The following ACTA2 variants were observed in gnomAD, a reference collection of about 807,000 sequenced individuals.
The protein encoded by ACTA2 is actin, aortic smooth muscle.
In ACTA2, 12 loss-of-function variants were observed where a neutral mutation model predicts 39.5. That is an observed-to-expected ratio of 0.30 (90% CI 0.19 to 0.49). The LOEUF (loss-of-function observed/expected upper bound fraction) is 0.49, where lower values mean the gene tolerates loss of function less well. Among genes scored for constraint, ACTA2 ranks in the 20% least tolerant of loss-of-function variants. The pLI, the probability that ACTA2 is intolerant of heterozygous loss-of-function variation, is 0.99. For synonymous variants in ACTA2, 158 were observed against 180.6 expected (o/e 0.88, Z 1.00); for missense variants, 236 against 498.8 (o/e 0.47, Z 5.02).
intron 1 of ACTA2, among the ~76,000 whole-genome samples, chr10:88,981,638 A>G (rs1846713892): frequency 6.6e-6 from 1 of 152,190 alleles, no homozygotes; most frequent in Admixed American, 6.5e-5. Context: ...TGGGGTGGGC[A>G]GAGTGGGAGA....
chr10:88,954,828 C>A, upstream of ACTA2, among the ~76,000 whole-genome samples: 1 of 151,928 alleles, frequency 6.6e-6, no homozygotes, highest in African/African-American at 2.4e-5. Context: ...ATTAAATGAT[C>A]TTATTGCCTG....
At chr10:88,967,995 A>G (rs1390029089) in intron 1 of ACTA2, among the ~76,000 whole-genome samples, 1 of 152,208 alleles carries the variant, frequency 6.6e-6, no homozygotes, top group Non-Finnish European at 1.5e-5. Context: ...GTAACCAGAT[A>G]AAAGTCCTTT....
intron 5 of ACTA2, 38 bp from the exon 6 acceptor site, chr10:88,941,428 C>T (rs754939086): frequency 6.2e-7 from 1 of 1,613,426 alleles, no homozygotes; most frequent in Non-Finnish European, 8.5e-7. Context: ...ACCATGGCAG[C>T]TGGCATGTGG....
chr10:88,939,130 G>C (rs904190407), intron 7 of ACTA2, among the ~76,000 whole-genome samples: 1 of 152,164 alleles, frequency 6.6e-6, no homozygotes, highest in Non-Finnish European at 1.5e-5. Context: ...CCAAGACAAT[G>C]TGAATGTAGG....
intron 1 of ACTA2, among the ~76,000 whole-genome samples, chr10:88,958,986 T>C: frequency 6.6e-6 from 1 of 152,136 alleles, no homozygotes; most frequent in Non-Finnish European, 1.5e-5. Context: ...GACTCTTCCT[T>C]TCAGAAGCCT....
At chr10:88,943,972 A>G (rs1288505074) in intron 3 of ACTA2, 65 bp from the exon 4 acceptor site, 1 of 1,449,576 alleles carries the variant, frequency 6.9e-7, no homozygotes, top group African/African-American at 1.4e-5. Flanking sequence ...GCATTTCCCA[A>G]AAAGGGACCA....
rs976580234 is a variant in ACTA2, at chr10:88,984,784, G to A, written c.-24+6155C>T. On this transcript the variant is annotated intron_variant, in intron 1 of 4. Coordinates refer to the ACTA2 transcript ENST00000415557. ...AGCTAGAGTGAGAGAAAGAGAGAGA[G>A]ACATCTTCTCACCTTCAGACCTGAT... is the stretch of plus-strand genomic sequence containing the variant. Among the ~76,000 whole-genome samples, 3 of 152,246 alleles carry A rather than the reference G, an allele frequency of 2.0e-5. No homozygotes were observed. In the East Asian group the frequency reaches 5.8e-4, roughly 29 times the overall value.
upstream of ACTA2, among the ~76,000 whole-genome samples, chr10:88,954,636 C>A (rs1258715229): frequency 6.6e-6 from 1 of 152,072 alleles, no homozygotes; most frequent in Non-Finnish European, 1.5e-5. Context: ...TTTTATGATT[C>A]TTACATCATT....
intron 1 of ACTA2, among the ~76,000 whole-genome samples, chr10:88,964,322 CA>C (rs1404881276): frequency 5.3e-5 from 8 of 152,114 alleles, no homozygotes; most frequent in Admixed American, 2.6e-4. Context: ...GAGCAATTCT[CA>C]AAGAAGTGGC....
At position 88,940,646 on chromosome 10, in the gene ACTA2, G is replaced by C. The variant is rs555923401; in HGVS notation, c.616+583C>G. ...TTGTGAAGGGAGGACTGGGTGCACCGGCTTAGAATCTGAATACACATATGT... is the reference window on the plus strand; with the variant it reads ...TTGTGAAGGGAGGACTGGGTGCACCCGCTTAGAATCTGAATACACATATGT... On this transcript the variant is annotated intron_variant, in intron 6 of 8. Transcript: ENST00000224784. 7 of 170,934 alleles carry C rather than the reference G, an allele frequency of 4.1e-5. No individual in the cohort carries two copies. In the South Asian group the frequency reaches 9.7e-4, roughly 24 times the overall value. 10.6% of individuals were successfully genotyped at this position (170,934 alleles called of 1,614,324 possible).
At chr10:88,935,975 A>G (rs1845731279) in intron 8 of ACTA2, among the ~76,000 whole-genome samples, 1 of 152,218 alleles carries the variant, frequency 6.6e-6, no homozygotes, top group Non-Finnish European at 1.5e-5. Context: ...TTTCTTAAAT[A>G]AATGAATGGT....
chr10:88,955,699 A>G (rs1259374529), upstream of ACTA2, among the ~76,000 whole-genome samples: 2 of 152,216 alleles, frequency 1.3e-5, no homozygotes, highest in African/African-American at 4.8e-5. Context: ...TCAAAATGTG[A>G]GAAGATCAGA....
At chr10:88,984,422 CA>C (rs1846812693) in intron 1 of ACTA2, among the ~76,000 whole-genome samples, 2 of 152,270 alleles carry the variant, frequency 1.3e-5, no homozygotes, top group South Asian at 4.1e-4. Context: ...ACCCCACAGT[CA>C]TGAAGGGCCT....
intron 4 of ACTA2, among the ~76,000 whole-genome samples, chr10:88,943,505 T>C (rs904965424): frequency 3.9e-5 from 6 of 152,244 alleles, no homozygotes; most frequent in African/African-American, 1.4e-4. Flanking sequence ...TTGTATGTGA[T>C]GCTGCATTTT....
intron 1 of ACTA2, among the ~76,000 whole-genome samples, chr10:88,952,407 C>A (rs1846066591): frequency 6.6e-6 from 1 of 152,178 alleles, no homozygotes; most frequent in Non-Finnish European, 1.5e-5. Flanking sequence ...GTATAACTTA[C>A]TGCACACAGC....
chr10:88,951,982 T>C (rs1283548454), intron 1 of ACTA2, among the ~76,000 whole-genome samples: 1 of 152,174 alleles, frequency 6.6e-6, no homozygotes, highest in African/African-American at 2.4e-5. Context: ...AGCTTTAAGC[T>C]GAGGGAGATG....
At chr10:88,976,217 G>C (rs1406115401) in intron 1 of ACTA2, among the ~76,000 whole-genome samples, 3 of 151,932 alleles carry the variant, frequency 2.0e-5, no homozygotes, top group Admixed American at 2.0e-4. Context: ...AAAAAAAATC[G>C]CCAAAAATCT....
At chr10:88,942,347 A>G (rs1845871080) in intron 4 of ACTA2, among the ~76,000 whole-genome samples, 1 of 152,248 alleles carries the variant, frequency 6.6e-6, no homozygotes, top group Non-Finnish European at 1.5e-5. Flanking sequence ...CCTGGTATAA[A>G]GAAAGAGAAC....
chr10:88,939,693 G>A lies in ACTA2; in HGVS notation c.622C>T (p.Arg208Cys), dbSNP rs1057523339. The A allele has an allele frequency of 1.9e-6, 3 of 1,613,888 alleles. No individual in the cohort carries two copies. The highest frequency in any genetic ancestry group is 1.7e-6 in the Non-Finnish European group (2 of 1,179,940). Reference protein sequence around the residue: ...RGYSFVTTAEREIVRDIKEKL... With the variant: ...RGYSFVTTAECEIVRDIKEKL... Reference sequence around the variant, plus strand: ...TCCTTGATGTCCCGGACAATCTCACGCTCAGCTGTCAACCAGATACAAACA... The same window carrying A: ...TCCTTGATGTCCCGGACAATCTCACACTCAGCTGTCAACCAGATACAAACA... The change falls in exon 7 of 9, where the codon CGT becomes TGT. Residue 208 changes from arginine (R) to cysteine (C), a missense_variant. Coordinates refer to ENST00000224784, the MANE Select transcript of ACTA2 (RefSeq NM_001613.4).
Sources: allele counts gnomAD v4.1 joint callset (sites outside exome capture counted in the v4.1 genomes callset), GRCh38; gene constraint gnomAD v4.1.1; transcripts MANE v1.5; gene names NCBI Gene and HGNC (gene_info 2026-07-23, HGNC 2026-07-21).